BTF3L4: variants seen among roughly 807,000 people sequenced by gnomAD.
BTF3L4 encodes the protein transcription factor BTF3 homolog 4.
In BTF3L4, 6 loss-of-function variants were observed where a neutral mutation model predicts 16.8. The observed-to-expected ratio is 0.36, with a 90% CI of 0.20 to 0.71. The LOEUF is 0.71. Ranked by LOEUF, BTF3L4 falls within the 30% of genes least tolerant of loss-of-function variation. The probability of loss-of-function intolerance (pLI) is 0.58; values close to 1 mark genes in which losing one functional copy is unlikely to be tolerated. For missense variants in BTF3L4, 92 were observed against 186.9 expected (o/e 0.49, Z 2.96); for synonymous variants, 39 against 59.8 (o/e 0.65, Z 1.60).
intron 2 of BTF3L4, chr1:52,060,332 A>T (rs1441051750): frequency 4.7e-6 from 2 of 428,478 alleles, no homozygotes; most frequent in African/African-American, 2.1e-5. Context: ...GGCATACCAG[A>T]TGTTAGGGTT....
At chr1:52,083,984 CACTCTAGCCT>C (rs1643946699) in intron 4 of BTF3L4, among the ~76,000 whole-genome samples, 2 of 149,158 alleles carry the variant, frequency 1.3e-5, no homozygotes, top group Non-Finnish European at 3.0e-5. Flanking sequence ...CATGCCATTG[CACTCTAGCCT>C]GGGCAACAAG....
chr1:52,056,626 C>T (rs542140926), intron 1 of BTF3L4, among the ~76,000 whole-genome samples: 1 of 152,382 alleles, frequency 6.6e-6, no homozygotes, highest in African/African-American at 2.4e-5. Flanking sequence ...CTGTTGCCGC[C>T]CAGACCCTGT....
chr1:52,059,933 A>C (rs1686466956), intron 2 of BTF3L4, 32 bp downstream of exon 2: 1 of 1,582,146 alleles, frequency 6.3e-7, no homozygotes, highest in Admixed American at 1.7e-5. Context: ...TTGATAGGAG[A>C]ATGTATGATT....
intron 1 of BTF3L4, 106 bp from the exon 2 acceptor site, chr1:52,059,729 G>A (rs1686461886): frequency 1.3e-6 from 1 of 795,584 alleles, no homozygotes; most frequent in South Asian, 1.6e-5. Context: ...TGGTCATGGT[G>A]TTGATGCATA....
At chr1:52,057,004 C>T (rs890960281) in intron 1 of BTF3L4, among the ~76,000 whole-genome samples, 3 of 152,164 alleles carry the variant, frequency 2.0e-5, no homozygotes, top group African/African-American at 7.2e-5. Context: ...GGAGTGGTAA[C>T]AATAGTTACC....
At chr1:52,060,085 T>C (rs1472468307) in intron 2 of BTF3L4, among the ~76,000 whole-genome samples, 184 bp downstream of exon 2, 1 of 152,238 alleles carries the variant, frequency 6.6e-6, no homozygotes, top group Non-Finnish European at 1.5e-5. Context: ...TCTCTGATGA[T>C]GCAATGGAAA....
intron 3 of BTF3L4, among the ~76,000 whole-genome samples, chr1:52,066,847 A>G (rs1386901638): frequency 1.3e-5 from 2 of 150,728 alleles, no homozygotes; most frequent in Non-Finnish European, 3.0e-5. Flanking sequence ...CTCCATCTCA[A>G]AAAAAAAAAT....
chr1:52,066,738 C>G (rs934003963), intron 3 of BTF3L4, among the ~76,000 whole-genome samples: 1 of 151,124 alleles, frequency 6.6e-6, no homozygotes, highest in African/African-American at 2.4e-5. Flanking sequence ...CCCAGCTACT[C>G]GGGAGGCTGA....
At chr1:52,069,118 A>T (rs1266293602) in intron 3 of BTF3L4, among the ~76,000 whole-genome samples, 1 of 152,082 alleles carries the variant, frequency 6.6e-6, no homozygotes, top group Non-Finnish European at 1.5e-5. Context: ...CCCTCCCCCC[A>T]TCCTGGTGTT....
chr1:52,073,493 TACACACACACACAC>T lies in BTF3L4; in HGVS notation c.168+8579_168+8592del, dbSNP rs142147737. ...ATATATGCACTATATATATGCTACATACACACACACACACACACACACACACACACACACACATA... is the reference window on the plus strand; with the variant it reads ...ATATATGCACTATATATATGCTACATACACACACACACACACACACACATA... On this transcript the variant is annotated intron_variant, in intron 3 of 5. Coordinates refer to ENST00000313334, the MANE Select transcript of BTF3L4 (RefSeq NM_152265.5). 2.2e-4 allele frequency among the ~76,000 whole-genome samples: 30 copies of T among 139,346 alleles called. 1 individual carries two copies. In the South Asian group the frequency reaches 3.6e-3, roughly 17 times the overall value. 91.4% of individuals were successfully genotyped at this position (139,346 alleles called of 152,430 possible). A position where few individuals can be genotyped will look rare whatever the true frequency, so the allele number is the denominator to read the frequency against.
intron 4 of BTF3L4, 108 bp downstream of exon 4, chr1:52,083,649 T>G (rs1350710341): frequency 2.3e-6 from 2 of 855,130 alleles, no homozygotes; most frequent in African/African-American, 1.7e-5. Flanking sequence ...GTAATTATTT[T>G]ACTTTCTATA....
chr1:52,064,898 TA>T lies in BTF3L4; in HGVS notation c.135del (p.Lys45AsnfsTer4). ...TADDKKLQSS[L>X]KKLAVNNIAG... ...GATGACAAAAAGCTTCAGAGTTCTC[TA>T]AAAAAACTGGCTGTGAATAATATAG... On this transcript the variant is annotated frameshift_variant, in exon 3 of 6. Coordinates refer to ENST00000313334, the MANE Select transcript of BTF3L4 (RefSeq NM_152265.5). LOFTEE classifies it high-confidence loss of function. 1 of 1,613,206 alleles carries T rather than the reference TA, an allele frequency of 6.2e-7. No individual in the cohort carries two copies. The highest frequency in any genetic ancestry group is 8.5e-7 in the Non-Finnish European group (1 of 1,179,652).
rs1644007712 is a variant in BTF3L4, at chr1:52,090,331, A to G, written c.*3573A>G. On this transcript the variant is annotated 3_prime_UTR_variant, in exon 6 of 6. Coordinates refer to ENST00000313334, the MANE Select transcript of BTF3L4 (RefSeq NM_152265.5). The stretch of plus-strand genomic sequence containing the variant: ...ATTAAAGCGTGTTATCTCCTAAGCT[A>G]TGGCTTAGATTTTCCGAAGCTCATG... 6.6e-6 allele frequency: 1 copy of G among 152,202 alleles called. No individual in the cohort carries two copies. Among genetic ancestry groups the G allele is most frequent in the African/African-American group, 2.4e-5 (1 of 41,436 alleles). 9.4% of individuals were successfully genotyped at this position (152,202 alleles called of 1,614,324 possible).
chr1:52,076,684 C>T (rs999517234), intron 3 of BTF3L4, among the ~76,000 whole-genome samples: 4 of 151,968 alleles, frequency 2.6e-5, no homozygotes, highest in South Asian at 2.1e-4. Flanking sequence ...CTAATGATAG[C>T]GTAAGCTTTA....
chr1:52,073,297 G>A (rs1184684444), intron 3 of BTF3L4, among the ~76,000 whole-genome samples: 3 of 151,934 alleles, frequency 2.0e-5, no homozygotes, highest in East Asian at 1.9e-4. Context: ...AAAAAAATAT[G>A]TATCTGTATA....
intron 3 of BTF3L4, among the ~76,000 whole-genome samples, chr1:52,077,855 A>G (rs1486608326): frequency 6.6e-6 from 1 of 152,136 alleles, no homozygotes; most frequent in Non-Finnish European, 1.5e-5. Context: ...TAAAAGGGCC[A>G]CCCAGCAGTT....
In BTF3L4 at chr1:52,086,839, C is replaced by T. The variant is rs1257277057; in HGVS notation, c.*81C>T. The T allele has an allele frequency of 1.3e-6, 1 of 782,404 alleles. No homozygotes were observed. The highest frequency in any genetic ancestry group is 2.1e-6 in the Non-Finnish European group (1 of 480,166). The allele number at this position is 782,404 out of a possible 1,614,324, so 48.5% of individuals were successfully genotyped here. On this transcript the variant is annotated 3_prime_UTR_variant, in exon 6 of 6. Coordinates refer to ENST00000313334, the MANE Select transcript of BTF3L4 (RefSeq NM_152265.5). ...TCCAAAGTTTTACAGACATGGAGAA[C>T]ATCACCTGTTACTAGTTCAGTAATA...
chr1:52,078,761 A>G (rs935076046), intron 3 of BTF3L4, among the ~76,000 whole-genome samples: 6 of 152,152 alleles, frequency 3.9e-5, no homozygotes, highest in Admixed American at 3.3e-4. Flanking sequence ...AATGAGAGCA[A>G]GGGCATTCTG....
intron 3 of BTF3L4, among the ~76,000 whole-genome samples, chr1:52,066,714 C>T (rs1468775990): frequency 6.0e-5 from 9 of 150,994 alleles, no homozygotes; most frequent in Non-Finnish European, 7.4e-5. Context: ...GGCATGGTGG[C>T]GGGCACCTGT....
Sources: allele counts gnomAD v4.1 joint callset (sites outside exome capture counted in the v4.1 genomes callset), GRCh38; gene constraint gnomAD v4.1.1; transcripts MANE v1.5; gene names NCBI Gene and HGNC (gene_info 2026-07-23, HGNC 2026-07-21).